Variants in POLK observed in about 807,000 individuals in gnomAD.
POLK encodes the protein DNA polymerase kappa, also known as polymerase (DNA directed) kappa.
In POLK, 76 loss-of-function variants were observed where a neutral mutation model predicts 94.0. The observed-to-expected ratio is 0.81, with a 90% CI of 0.67 to 0.98. The LOEUF (loss-of-function observed/expected upper bound fraction) is 0.98. POLK is among the 50% of genes least tolerant of loss of function. The probability of loss-of-function intolerance (pLI) is 0.00; values close to 1 mark genes in which losing one functional copy is unlikely to be tolerated. For missense variants in POLK, 954 were observed against 1,010.1 expected, an observed-to-expected ratio of 0.94 and a Z score of 0.75; for synonymous variants, 349 against 325.4, an observed-to-expected ratio of 1.07 and a Z score of -0.78.
At chr5:75,602,883 C>T (rs1464878022), downstream of POLK, among the ~76,000 whole-genome samples, 2 of 152,122 alleles carry the variant, frequency 1.3e-5, no homozygotes, top group African/African-American at 4.8e-5. Context: ...AAATTTAATT[C>T]ACTCCACCAG....
intron 4 of POLK, among the ~76,000 whole-genome samples, chr5:75,573,227 G>T (rs940707605): frequency 3.1e-4 from 47 of 152,104 alleles, no homozygotes; most frequent in Admixed American, 5.9e-4. Context: ...CATGGATGAA[G>T]CTGGAAACCA....
downstream of POLK, chr5:75,601,216 C>G (rs1364907472): frequency 6.6e-6 from 1 of 152,108 alleles, no homozygotes; most frequent in East Asian, 1.9e-4. Context: ...GAAAAAAATA[C>G]ATTTTTTTCT....
chr5:75,514,942 A>G (rs1362669123), intron 1 of POLK, among the ~76,000 whole-genome samples: 2 of 152,206 alleles, frequency 1.3e-5, no homozygotes, highest in South Asian at 2.1e-4. Context: ...TCAGAGCCAG[A>G]TAGATTACAT....
At chr5:75,547,070 G>A in exon 2 of POLK, 1 of 1,526,894 alleles carries the variant, frequency 6.5e-7, no homozygotes, top group Admixed American at 1.7e-5. Context: ...ATGATCTTCT[G>A]CTTAGGATGG....
exon 7 of POLK, chr5:75,581,321 G>C: frequency 6.2e-7 from 1 of 1,613,852 alleles, no homozygotes; most frequent in Non-Finnish European, 8.5e-7. Context: ...CTTTCCAAGT[G>C]AACTTTGAAG....
upstream of POLK, chr5:75,511,478 C>A: frequency 2.7e-6 from 4 of 1,506,174 alleles, no homozygotes; most frequent in Non-Finnish European, 3.5e-6. Flanking sequence ...CTGCGTTGCG[C>A]CCGGCGCTGC....
chr5:75,522,424 C>G (rs1190713551), intron 1 of POLK, among the ~76,000 whole-genome samples: 1 of 152,104 alleles, frequency 6.6e-6, no homozygotes, highest in Non-Finnish European at 1.5e-5. Flanking sequence ...TTGGTTTTCT[C>G]TAGTGAGGGA....
At chr5:75,555,747 C>T (rs538467658) in intron 3 of POLK, among the ~76,000 whole-genome samples, 19 of 152,256 alleles carry the variant, frequency 1.2e-4, no homozygotes, top group African/African-American at 4.6e-4. Flanking sequence ...CGGGGTTTCA[C>T]CATGTTGGCC....
chr5:75,607,167 G>A, the POLK span, among the ~76,000 whole-genome samples: 1 of 152,124 alleles, frequency 6.6e-6, no homozygotes, highest in Admixed American at 6.5e-5. Flanking sequence ...TGACTAATGG[G>A]ATATAAAAGG....
At chr5:75,541,608 G>A (rs1046143127) in intron 1 of POLK, among the ~76,000 whole-genome samples, 2 of 147,620 alleles carry the variant, frequency 1.4e-5, no homozygotes, top group Non-Finnish European at 3.0e-5. Flanking sequence ...TAAAAAACTT[G>A]AGTTTTAGTG....
At chr5:75,542,051 A>T (rs1209274130) in intron 1 of POLK, among the ~76,000 whole-genome samples, 1 of 152,232 alleles carries the variant, frequency 6.6e-6, no homozygotes, top group African/African-American at 2.4e-5. Flanking sequence ...AATTCAATTC[A>T]TTGTATTTAA....
upstream of POLK, chr5:75,511,358 C>T (rs1392880324): frequency 1.9e-6 from 3 of 1,545,100 alleles, no homozygotes; most frequent in Admixed American, 2.0e-5. Flanking sequence ...ACGAAGTCCG[C>T]CCGCCGCGCC....
intron 1 of POLK, among the ~76,000 whole-genome samples, chr5:75,514,930 T>C (rs927707602): frequency 1.4e-4 from 22 of 152,208 alleles, no homozygotes; most frequent in Non-Finnish European, 2.8e-4. Context: ...TTTGAGAATC[T>C]GTCAGAGCCA....
intron 6 of POLK, among the ~76,000 whole-genome samples, chr5:75,579,307 G>A (rs1246705417): frequency 6.6e-6 from 1 of 152,134 alleles, no homozygotes. Flanking sequence ...TACCCATCCA[G>A]ATGGGGAAAA....
At chr5:75,567,005 A>G (rs779365813) in intron 3 of POLK, among the ~76,000 whole-genome samples, 4 of 152,216 alleles carry the variant, frequency 2.6e-5, no homozygotes, top group South Asian at 2.1e-4. Flanking sequence ...TTGATGTAGA[A>G]AGAAAAGAGT....
At chr5:75,551,222 A>G (rs922843970) in intron 2 of POLK, among the ~76,000 whole-genome samples, 2 of 152,172 alleles carry the variant, frequency 1.3e-5, no homozygotes, top group Middle Eastern at 3.2e-3. Context: ...AATAAAAGAA[A>G]GTTGATTAAT....
chr5:75,555,084 C>T (rs754075296), intron 3 of POLK, among the ~76,000 whole-genome samples: 1 of 152,228 alleles, frequency 6.6e-6, no homozygotes, highest in Non-Finnish European at 1.5e-5. Flanking sequence ...ATAGCCTCCC[C>T]TGCTATCACA....
chr5:75,592,626 C>A (rs1772846501), intron 11 of POLK, among the ~76,000 whole-genome samples: 1 of 151,596 alleles, frequency 6.6e-6, no homozygotes, highest in Non-Finnish European at 1.5e-5. Flanking sequence ...ACCTGGGAGG[C>A]AGAGGCTGCA....
exon 9 of POLK, chr5:75,584,923 C>T (rs774641563): frequency 8.2e-6 from 13 of 1,577,932 alleles, no homozygotes; most frequent in South Asian, 4.6e-5. Context: ...ACACACCTGA[C>T]GAGGTATCTA....
Sources: gnomAD v4.1 joint callset for allele counts (sites outside exome capture counted in the v4.1 genomes callset) on GRCh38, gnomAD v4.1.1 for gene constraint, MANE v1.5 for transcripts, NCBI Gene and HGNC (gene_info 2026-07-23, HGNC 2026-07-21) for gene names.